Variants in TBXAS1 observed in about 807,000 individuals in gnomAD.
The protein encoded by TBXAS1 is thromboxane-A synthase.
TBXAS1 carries 48 observed loss-of-function variants against 60.7 expected under a neutral mutation model. The observed-to-expected ratio is 0.79, with a 90% CI of 0.63 to 1.01. The LOEUF (loss-of-function observed/expected upper bound fraction) is 1.01, where lower values mean the gene tolerates loss of function less well. Ranked by LOEUF, TBXAS1 falls within the 50% of genes least tolerant of loss-of-function variation. The pLI, the probability that TBXAS1 is intolerant of heterozygous loss-of-function variation, is 0.00. For synonymous variants in TBXAS1, 287 were observed against 269.7 expected (o/e 1.06, Z -0.63); for missense variants, 685 against 686.3 (o/e 1.00, Z 0.02).
chr7:139,789,058 G>A (rs1413927141), intron 4 of TBXAS1, among the ~76,000 whole-genome samples: 1 of 152,154 alleles, frequency 6.6e-6, no homozygotes, highest in East Asian at 1.9e-4. Context: ...CTGTATGGGT[G>A]ACACCCACCA....
intron 4 of TBXAS1, among the ~76,000 whole-genome samples, chr7:139,803,925 G>T (rs1289583969): frequency 2.6e-5 from 4 of 152,250 alleles, no homozygotes; most frequent in African/African-American, 9.6e-5. Context: ...AGCTCTCATG[G>T]AGAACCTCTG....
chr7:139,874,562 A>C (rs1802075787), intron 2 of TBXAS1, among the ~76,000 whole-genome samples: 1 of 152,216 alleles, frequency 6.6e-6, no homozygotes, highest in Non-Finnish European at 1.5e-5. Flanking sequence ...AGTAGATTTC[A>C]TGAGAAAGGC....
intron 3 of TBXAS1, among the ~76,000 whole-genome samples, chr7:139,905,006 TC>T (rs1231340973): frequency 1.0e-4 from 3 of 29,348 alleles, no homozygotes; most frequent in Admixed American, 2.9e-4. Context: ...TCTCTTTCTC[TC>T]TTTCTTTCTT....
chr7:139,950,811 TTCCATCTACGGGACCCCCTCGCCC>T lies in TBXAS1; in HGVS notation c.451-2499_451-2476del, dbSNP rs71170922. On this transcript the variant is annotated intron_variant, in intron 5 of 12. Coordinates refer to ENST00000448866, the MANE Select transcript of TBXAS1 (RefSeq NM_001061.7). ...CCTCCATCTACGGGACCCCCTCGCC[TTCCATCTACGGGACCCCCTCGCCC>T]TCCATCTACGGGACCCCCTCGCCCT... Among the ~76,000 whole-genome samples, 34 of 4,948 alleles carry T rather than the reference TTCCATCTACGGGACCCCCTCGCCC, an allele frequency of 6.9e-3. No homozygotes were observed. The East Asian group carries it at 0.13, about 19-fold the overall frequency. The allele number at this position is 4,948 out of a possible 152,430, so 3.2% of individuals were successfully genotyped here.
intron 4 of TBXAS1, among the ~76,000 whole-genome samples, chr7:139,925,006 T>C (rs1806776129): frequency 6.6e-6 from 1 of 152,198 alleles, no homozygotes; most frequent in Non-Finnish European, 1.5e-5. Flanking sequence ...TTCTATTCCA[T>C]TGGTCTATGT....
chr7:139,829,144 G>A (rs1411089268), upstream of TBXAS1: 1 of 632,230 alleles, frequency 1.6e-6, no homozygotes, highest in East Asian at 3.3e-5. Flanking sequence ...TATTGACAGT[G>A]CAGTCATCAA....
chr7:139,995,127 T>C (rs1159906112), intron 9 of TBXAS1, among the ~76,000 whole-genome samples: 2 of 152,014 alleles, frequency 1.3e-5, no homozygotes, highest in South Asian at 2.1e-4. Flanking sequence ...TCGTATTCTA[T>C]AGTCAGCTGA....
chr7:140,017,968 C>T lies in TBXAS1; in HGVS notation c.1527+135C>T, dbSNP rs367787880. On this transcript the variant is annotated intron_variant, in intron 12 of 12. Coordinates refer to ENST00000448866, the MANE Select transcript of TBXAS1 (RefSeq NM_001061.7). ...TGAGCTTGGGCAAGCTCCTTAACCTCTCTCGGCCTCAGTTTCTTGATTCGT... is the reference window on the plus strand; with the variant it reads ...TGAGCTTGGGCAAGCTCCTTAACCTTTCTCGGCCTCAGTTTCTTGATTCGT... 1.0e-4 allele frequency: 117 copies of T among 1,155,874 alleles called. No homozygotes were observed. In the East Asian group the frequency reaches 2.0e-3, roughly 20 times the overall value. 71.6% of individuals were successfully genotyped at this position (1,155,874 alleles called of 1,614,324 possible). A position where few individuals can be genotyped will look rare whatever the true frequency, so the allele number is the denominator to read the frequency against.
At chr7:139,802,947 A>G (rs1301101897) in intron 4 of TBXAS1, among the ~76,000 whole-genome samples, 1 of 152,238 alleles carries the variant, frequency 6.6e-6, no homozygotes, top group Non-Finnish European at 1.5e-5. Context: ...TGGAACTGTG[A>G]GTCCAATAAA....
Position 140,015,976 on chromosome 7 carries a change from C to A in TBXAS1, c.1364+116C>A, listed in dbSNP as rs983270878. On this transcript the variant is annotated intron_variant, in intron 11 of 12. Transcript: ENST00000448866. ...CTTAGCAAAATTGTCCCCAAATAGT[C>A]AAAAGTTATGGCAATTCAGATAGAT... The A allele has an allele frequency of 7.8e-6, 11 of 1,405,258 alleles. No individual in the cohort carries two copies. In the South Asian group the frequency reaches 1.3e-4, roughly 16 times the overall value. 87.0% of individuals were successfully genotyped at this position (1,405,258 alleles called of 1,614,324 possible). A position where few individuals can be genotyped will look rare whatever the true frequency, so the allele number is the denominator to read the frequency against.
At chr7:139,988,522 TCTTGA>T (rs1812666249) in intron 9 of TBXAS1, among the ~76,000 whole-genome samples, 1 of 152,194 alleles carries the variant, frequency 6.6e-6, no homozygotes, top group Non-Finnish European at 1.5e-5. Flanking sequence ...TGCTTCTGCA[TCTTGA>T]CTTCTGCCGT....
Position 139,946,195 on chromosome 7 carries a change from G to A in TBXAS1, c.451-7173G>A, listed in dbSNP as rs1808700484. The stretch of plus-strand genomic sequence containing the variant: ...AAAACATTAAAAAAATTAGCCAGCT[G>A]TGGTTGTGTGTGTCTGTAGTCCCAG... On this transcript the variant is annotated intron_variant, in intron 5 of 12. Transcript: ENST00000448866. 3.9e-5 allele frequency among the ~76,000 whole-genome samples: 6 copies of A among 152,200 alleles called. No individual in the cohort carries two copies. In the South Asian group the frequency reaches 1.2e-3, roughly 32 times the overall value.
rs148620762 is a variant in TBXAS1, at chr7:139,792,533, A to G, written c.-80+5107A>G. On this transcript the variant is annotated intron_variant, in intron 4 of 16. Coordinates refer to the TBXAS1 transcript ENST00000336425. ...AGCATCTAGATACAGTTTATTGACA[A>G]TGAAAACAAAACAAACAGACATAGA... Among the ~76,000 whole-genome samples, 358 of 152,368 alleles carry G rather than the reference A, an allele frequency of 2.3e-3. 3 individuals carry two copies. Among genetic ancestry groups the G allele is most frequent in the African/African-American group, 8.2e-3 (343 of 41,596 alleles).
intron 3 of TBXAS1, among the ~76,000 whole-genome samples, chr7:139,880,435 T>A (rs1363124290): frequency 6.6e-6 from 1 of 152,150 alleles, no homozygotes; most frequent in Non-Finnish European, 1.5e-5. Context: ...AAGTTGTAGG[T>A]AGGTAAGCAT....
chr7:139,923,838 CCATGAGTT>C (rs1426486815), intron 4 of TBXAS1, among the ~76,000 whole-genome samples: 1 of 152,178 alleles, frequency 6.6e-6, no homozygotes, highest in Non-Finnish European at 1.5e-5. Flanking sequence ...TCTACTATCT[CCATGAGTT>C]CAATTGTTTT....
At position 140,010,808 on chromosome 7, in the gene TBXAS1, C is replaced by T. The variant is rs368710524; in HGVS notation, c.1226+3626C>T. On this transcript the variant is annotated intron_variant, in intron 10 of 12. Transcript: ENST00000448866. ...GCCACAGGCTGCTTTTAATCTCTTACGGGCAGGAACAGGGCATAACAGTAA... is the reference window on the plus strand; with the variant it reads ...GCCACAGGCTGCTTTTAATCTCTTATGGGCAGGAACAGGGCATAACAGTAA... 2.1e-4 allele frequency among the ~76,000 whole-genome samples: 32 copies of T among 152,268 alleles called. No individual in the cohort carries two copies. In the South Asian group the frequency reaches 5.8e-3, roughly 28 times the overall value.
At chr7:139,861,095 G>C (rs1243725762) in intron 1 of TBXAS1, among the ~76,000 whole-genome samples, 1 of 151,388 alleles carries the variant, frequency 6.6e-6, no homozygotes, top group African/African-American at 2.4e-5. Flanking sequence ...AATTGCTTGA[G>C]CCCGGGAGGC....
At chr7:139,944,183 G>C (rs191203952) in intron 5 of TBXAS1, among the ~76,000 whole-genome samples, 1 of 152,308 alleles carries the variant, frequency 6.6e-6, no homozygotes, top group African/African-American at 2.4e-5. Flanking sequence ...TTGGCAGGGA[G>C]GAAGCAGTGA....
intron 12 of TBXAS1, among the ~76,000 whole-genome samples, chr7:140,018,340 C>T (rs1815266174): frequency 6.6e-6 from 1 of 152,142 alleles, no homozygotes; most frequent in African/African-American, 2.4e-5. Flanking sequence ...GGTTTCAGCT[C>T]CTTGAACGGT....
Sources: allele counts gnomAD v4.1 joint callset (sites outside exome capture counted in the v4.1 genomes callset), GRCh38; gene constraint gnomAD v4.1.1; transcripts MANE v1.5; gene names NCBI Gene and HGNC (gene_info 2026-07-23, HGNC 2026-07-21).